The following SCNN1B variants were observed in gnomAD, a reference collection of about 807,000 sequenced individuals.
SCNN1B encodes the protein epithelial sodium channel subunit beta.
Under a neutral mutation model 65.3 loss-of-function variants are expected in SCNN1B, and 46 were observed. The ratio of observed to expected loss-of-function variants is 0.70; its 90% CI spans 0.56 to 0.90. The LOEUF (loss-of-function observed/expected upper bound fraction) is 0.90, where lower values mean the gene tolerates loss of function less well. SCNN1B is among the 40% of genes least tolerant of loss of function. SCNN1B has a pLI of 0.00. For synonymous variants in SCNN1B, 349 were observed against 330.6 expected, an observed-to-expected ratio of 1.06 and a Z score of -0.60; for missense variants, 751 against 830.5, an observed-to-expected ratio of 0.90 and a Z score of 1.18.
intron 4 of SCNN1B, among the ~76,000 whole-genome samples, chr16:23,366,977 A>T (rs560171185): frequency 6.6e-6 from 1 of 152,210 alleles, no homozygotes; most frequent in Non-Finnish European, 1.5e-5. Context: ...GGCAAGGAGG[A>T]ATTCTCCCCT....
chr16:23,352,690 T>C (rs1006512855), intron 2 of SCNN1B, 111 bp from the exon 3 acceptor site: 1 of 1,154,398 alleles, frequency 8.7e-7, no homozygotes, highest in South Asian at 1.2e-5. Context: ...TCTCAGGTAG[T>C]ATCTTTATAG....
intron 2 of SCNN1B, among the ~76,000 whole-genome samples, chr16:23,352,398 A>AC: frequency 6.6e-6 from 1 of 152,044 alleles, no homozygotes; most frequent in East Asian, 1.9e-4. Flanking sequence ...TTGAATTGTA[A>AC]CCCCCATGTG....
At chr16:23,345,462 A>G (rs1962166743) in intron 1 of SCNN1B, among the ~76,000 whole-genome samples, 2 of 152,240 alleles carry the variant, frequency 1.3e-5, no homozygotes, top group South Asian at 4.1e-4. Flanking sequence ...GGCTGGATCC[A>G]GGTGTTCAAA....
At chr16:23,353,681 G>C (rs1962359103) in intron 3 of SCNN1B, among the ~76,000 whole-genome samples, 1 of 152,228 alleles carries the variant, frequency 6.6e-6, no homozygotes, top group African/African-American at 2.4e-5. Context: ...CTGAGCAAGG[G>C]GGAAGGTGGT....
At chr16:23,287,969 A>G (rs1359849453) in intron 2 of SCNN1B, among the ~76,000 whole-genome samples, 28 of 147,522 alleles carry the variant, frequency 1.9e-4, no homozygotes, top group Admixed American at 1.9e-3. Flanking sequence ...ATCCTGGGCA[A>G]CATGGTGAAA....
intron 2 of SCNN1B, among the ~76,000 whole-genome samples, chr16:23,285,656 TAATAATAAAAAAA>T (rs1208347269): frequency 3.4e-5 from 4 of 119,382 alleles, no homozygotes; most frequent in East Asian, 3.0e-4. Context: ...AAAAAAACAA[TAATAATAAAAAAA>T]AATAATAAAA....
At chr16:23,333,166 G>A (rs1468157089) in intron 1 of SCNN1B, among the ~76,000 whole-genome samples, 105 of 133,050 alleles carry the variant, frequency 7.9e-4, no homozygotes, top group Non-Finnish European at 1.5e-3. Flanking sequence ...AGGAAGGAAG[G>A]AAGGAAGGAA....
At chr16:23,318,190 G>A (rs1961512000) in intron 1 of SCNN1B, among the ~76,000 whole-genome samples, 1 of 152,228 alleles carries the variant, frequency 6.6e-6, no homozygotes, top group African/African-American at 2.4e-5. Context: ...AAGTGGTTAT[G>A]AGAGCAGACT....
intron 2 of SCNN1B, among the ~76,000 whole-genome samples, chr16:23,284,463 T>C (rs371304928): frequency 1.3e-5 from 2 of 152,250 alleles, no homozygotes; most frequent in East Asian, 3.9e-4. Flanking sequence ...TGGCAGAGCA[T>C]GGATCTAAGA....
At chr16:23,352,113 T>C (rs1962321899) in intron 2 of SCNN1B, among the ~76,000 whole-genome samples, 1 of 152,194 alleles carries the variant, frequency 6.6e-6, no homozygotes, top group African/African-American at 2.4e-5. Flanking sequence ...CCATTACAAT[T>C]CTTCCTCACT....
Position 23,371,557 on chromosome 16 carries a change from G to T in SCNN1B, c.1044+95G>T, listed in dbSNP as rs1178325750. The T allele has an allele frequency of 1.2e-5, 16 of 1,322,128 alleles. No homozygotes were observed. In the Admixed American group the frequency reaches 2.8e-4, roughly 23 times the overall value. The allele number at this position is 1,322,128 out of a possible 1,614,324, so 81.9% of individuals were successfully genotyped here. Reference sequence around the variant, plus strand: ...CCCTTGGCCTGGGAGGAGGGGATCTGGGCCCCCCAGCCCTGGCCTTCCTTC... The same window carrying T: ...CCCTTGGCCTGGGAGGAGGGGATCTTGGCCCCCCAGCCCTGGCCTTCCTTC... On this transcript the variant is annotated intron_variant, in intron 6 of 12. Coordinates refer to ENST00000343070, the MANE Select transcript of SCNN1B (RefSeq NM_000336.3).
intron 4 of SCNN1B, among the ~76,000 whole-genome samples, chr16:23,361,447 T>C (rs1053360882): frequency 6.6e-6 from 1 of 152,208 alleles, no homozygotes; most frequent in Non-Finnish European, 1.5e-5. Context: ...GAAAGGAGCA[T>C]TGAGCTCCAC....
intron 2 of SCNN1B, among the ~76,000 whole-genome samples, chr16:23,293,114 C>CAAAAAAAAAAAAAAAA (rs1191618996): frequency 1.5e-4 from 5 of 34,180 alleles, no homozygotes; most frequent in Non-Finnish European, 1.9e-4. Context: ...GACTCATTCT[C>CAAAAAAAAAAAAAAAA]AAAAAAAAAA....
intron 1 of SCNN1B, among the ~76,000 whole-genome samples, chr16:23,337,766 T>A (rs1961974384): frequency 6.6e-6 from 1 of 151,972 alleles, no homozygotes; most frequent in South Asian, 2.1e-4. Flanking sequence ...GGTTAATATT[T>A]AAACATTTAA....
intron 1 of SCNN1B, among the ~76,000 whole-genome samples, chr16:23,343,024 A>T (rs1962084065): frequency 1.3e-5 from 2 of 152,238 alleles, no homozygotes; most frequent in Admixed American, 1.3e-4. Context: ...TAAAACAAAT[A>T]GTTGTCCATA....
chr16:23,305,968 C>T (rs539029271), intron 1 of SCNN1B, among the ~76,000 whole-genome samples: 10 of 152,234 alleles, frequency 6.6e-5, no homozygotes, highest in Non-Finnish European at 1.2e-4. Context: ...TCAGGCCAGG[C>T]GCAGTGGCTC....
At position 23,374,268 on chromosome 16, in the gene SCNN1B, G is replaced by GAAAAAA. The variant is rs1223701346; in HGVS notation, c.1153-1454_1153-1449dup. ...GCAACAGAGTGAGACCCTGTCTCAG[G>GAAAAAA]AAAAAAAAAAAAAAAAAAAAAGAGG... On this transcript the variant is annotated intron_variant, in intron 7 of 12. Transcript: ENST00000343070. Among the ~76,000 whole-genome samples the GAAAAAA allele has an allele frequency of 1.5e-3, 93 of 60,448 alleles. 4 individuals carry two copies. The highest frequency in any genetic ancestry group is 4.3e-3 in the African/African-American group (78 of 18,260). The allele number at this position is 60,448 out of a possible 152,430, so 39.7% of individuals were successfully genotyped here. A position where few individuals can be genotyped will look rare whatever the true frequency, so the allele number is the denominator to read the frequency against.
intron 11 of SCNN1B, among the ~76,000 whole-genome samples, chr16:23,379,110 T>C (rs1048049854): frequency 2.2e-5 from 3 of 134,182 alleles, no homozygotes; most frequent in Non-Finnish European, 4.6e-5. Context: ...CCCTCCATCA[T>C]CCACCCACAC....
chr16:23,376,084 T>C (rs1379375831), intron 8 of SCNN1B, among the ~76,000 whole-genome samples: 2 of 152,214 alleles, frequency 1.3e-5, no homozygotes, highest in African/African-American at 4.8e-5. Context: ...TTGAAACACA[T>C]AGGCATAGAA....
Sources: gnomAD v4.1 joint callset for allele counts (sites outside exome capture counted in the v4.1 genomes callset) on GRCh38, gnomAD v4.1.1 for gene constraint, MANE v1.5 for transcripts, NCBI Gene and HGNC (gene_info 2026-07-23, HGNC 2026-07-21) for gene names.